The following SNX1 variants were observed in gnomAD, a reference collection of about 807,000 sequenced individuals.
The protein encoded by SNX1 is sorting nexin-1.
SNX1 carries 36 observed loss-of-function variants against 71.8 expected under a neutral mutation model. The observed-to-expected ratio is 0.50, with a 90% CI of 0.38 to 0.66. The LOEUF (loss-of-function observed/expected upper bound fraction) is 0.66. SNX1 is among the 30% of genes least tolerant of loss of function. SNX1 has a pLI of 0.00. For synonymous variants in SNX1, 254 were observed against 240.7 expected (o/e 1.06, Z -0.51); for missense variants, 612 against 646.7 (o/e 0.95, Z 0.58).
intron 1 of SNX1, 108 bp downstream of exon 1, chr15:64,096,280 C>T: frequency 1.5e-6 from 2 of 1,345,614 alleles, no homozygotes; most frequent in Non-Finnish European, 2.0e-6. Context: ...GAGACCTTGC[C>T]TCGGTGTCAG....
rs1477521315 is a variant in SNX1 at position 64,096,038 on chromosome 15, A to G, written c.25A>G (p.Ser9Gly). Residue 9 changes from serine (S) to glycine (G), a missense_variant, in exon 1 of 15, where the codon AGC (serine) becomes GGC (glycine). Physicochemically the swap from Ser to Gly is moderately conservative, Grantham distance 56 (BLOSUM62 0). Transcript: ENST00000559844. Reference sequence around the variant, plus strand: ...GATGGCGTCGGGTGGTGGTGGCTGTAGCGCTTCGGAGAGACTGCCTCCGCC... The same window carrying G: ...GATGGCGTCGGGTGGTGGTGGCTGTGGCGCTTCGGAGAGACTGCCTCCGCC... MASGGGGC[S>G]ASERLPPPFP... The G allele has an allele frequency of 3.1e-6, 5 of 1,594,150 alleles. No homozygotes were observed. In the South Asian group the frequency reaches 5.6e-5, roughly 18 times the overall value.
intron 1 of SNX1, among the ~76,000 whole-genome samples, chr15:64,096,657 CTTT>C (rs981098406): frequency 4.6e-5 from 7 of 152,318 alleles, no homozygotes; most frequent in African/African-American, 1.7e-4. Context: ...ACCAAAGGCC[CTTT>C]CTGGATCTTA....
Position 64,136,887 on chromosome 15 carries a change from C to T in SNX1, c.1473C>T (p.Asn491=). 6.2e-7 allele frequency: 1 copy of T among 1,613,962 alleles called. No homozygotes were observed. The highest frequency in any genetic ancestry group is 8.5e-7 in the Non-Finnish European group (1 of 1,179,882). Reference sequence around the variant, plus strand: ...AAGAGAAATCCAAGGACTTCAAGAACCACGTGATCAAGTACCTTGAGACAC... The same window carrying T: ...AAGAGAAATCCAAGGACTTCAAGAATCACGTGATCAAGTACCTTGAGACAC... ...FEKEKSKDFK[N]HVIKYLETLL... The change falls in exon 14 of 15, where the codon AAC becomes AAT. Residue 491 remains asparagine (N), a synonymous_variant. Coordinates refer to ENST00000559844, the MANE Select transcript of SNX1 (RefSeq NM_003099.5).
chr15:64,117,161 A>C (rs962771810), intron 2 of SNX1, among the ~76,000 whole-genome samples: 1 of 152,122 alleles, frequency 6.6e-6, no homozygotes, highest in African/African-American at 2.4e-5. Flanking sequence ...AGCTTTCCTG[A>C]CACTTGCTTT....
chr15:64,116,384 G>A (rs181158639), intron 2 of SNX1, among the ~76,000 whole-genome samples: 13 of 152,252 alleles, frequency 8.5e-5, no homozygotes, highest in Admixed American at 1.3e-4. Context: ...TTGTTCAAGG[G>A]TCAACTGTAC....
At chr15:64,116,488 C>G (rs1394271186) in intron 2 of SNX1, among the ~76,000 whole-genome samples, 4 of 152,218 alleles carry the variant, frequency 2.6e-5, no homozygotes, top group African/African-American at 9.6e-5. Flanking sequence ...TCATTTCTAA[C>G]AGTGTGGCAC....
chr15:64,104,206 A>G, intron 1 of SNX1, among the ~76,000 whole-genome samples: 1 of 151,650 alleles, frequency 6.6e-6, no homozygotes, highest in East Asian at 1.9e-4. Context: ...CAATTAACTT[A>G]GCTTTCAGAA....
intron 1 of SNX1, among the ~76,000 whole-genome samples, chr15:64,109,094 G>A (rs997891655): frequency 1.3e-5 from 2 of 152,070 alleles, no homozygotes; most frequent in Non-Finnish European, 2.9e-5. Context: ...ACCTAGGGTA[G>A]GCGCAGTGGC....
In SNX1 at chr15:64,138,443, A is replaced by G. The variant is rs1596012388; in HGVS notation, c.*825A>G. The stretch of plus-strand genomic sequence containing the variant: ...CTTGCCCTCTGATGGCAAGTCTTAT[A>G]TATAACTAAACCTATTTTTGTCACC... On this transcript the variant is annotated 3_prime_UTR_variant, in exon 15 of 15. Coordinates refer to ENST00000559844, the MANE Select transcript of SNX1 (RefSeq NM_003099.5). The G allele has an allele frequency of 4.6e-6, 2 of 435,522 alleles. No homozygotes were observed. The highest frequency in any genetic ancestry group is 4.1e-5 in the Admixed American group (1 of 24,632). The allele number at this position is 435,522 out of a possible 1,614,324, so 27.0% of individuals were successfully genotyped here. A position where few individuals can be genotyped will look rare whatever the true frequency, so the allele number is the denominator to read the frequency against.
At chr15:64,131,561 T>A in intron 10 of SNX1, 126 bp from the exon 11 acceptor site, 2 of 795,470 alleles carry the variant, frequency 2.5e-6, no homozygotes, top group Non-Finnish European at 4.0e-6. Context: ...GTGACTGGGT[T>A]GCAGAGCCCT....
chr15:64,137,663 A>G lies in SNX1; in HGVS notation c.*45A>G, dbSNP rs1303888191. The stretch of plus-strand genomic sequence containing the variant: ...CCCACCTGTGTGACGCTGCCTTTTT[A>G]TACACTGTCCTCCTCCACCTTGATG... On this transcript the variant is annotated 3_prime_UTR_variant, in exon 15 of 15. Transcript: ENST00000559844. 1 of 1,613,482 alleles carries G rather than the reference A, an allele frequency of 6.2e-7. No homozygotes were observed.
In SNX1 at chr15:64,126,229, G is replaced by T. The variant is rs1488570126; in HGVS notation, c.652+9G>T. ...GGAGAAGAGCCTCATAGGTAAGCCT[G>T]TGGTCTTTCATTCCACTTGGATTGT... On this transcript the variant is annotated intron_variant, in intron 6 of 14. Coordinates refer to ENST00000559844, the MANE Select transcript of SNX1 (RefSeq NM_003099.5). 3 of 1,609,924 alleles carry T rather than the reference G, an allele frequency of 1.9e-6. No homozygotes were observed. Among genetic ancestry groups the T allele is most frequent in the Non-Finnish European group, 2.5e-6 (3 of 1,178,914 alleles).
rs754862661 is a variant in SNX1 at position 64,130,046 on chromosome 15, C to A, written c.921+17C>A. 16 of 1,578,644 alleles carry A rather than the reference C, an allele frequency of 1.0e-5. No homozygotes were observed. In the Admixed American group the frequency reaches 1.8e-4, roughly 18 times the overall value. On this transcript the variant is annotated intron_variant, in intron 9 of 14. Coordinates refer to ENST00000559844, the MANE Select transcript of SNX1 (RefSeq NM_003099.5). ...TCAGACATTGTGAGTAGCCCTGTGC[C>A]TCTTACCTCCACCTACACCTCAGGC...
At position 64,134,624 on chromosome 15, in the gene SNX1, G is replaced by A. The variant is rs1456469172; in HGVS notation, c.1222-40G>A. The A allele has an allele frequency of 1.9e-6, 3 of 1,584,144 alleles. No individual in the cohort carries two copies. The highest frequency in any genetic ancestry group is 1.7e-5 in the Admixed American group (1 of 58,444). The stretch of plus-strand genomic sequence containing the variant: ...TCGAGGCAGAGCCAGCAGAGCTCTT[G>A]AAGAGCTGGTTGTGCTCCTCCTCAA... On this transcript the variant is annotated intron_variant, in intron 11 of 14. Transcript: ENST00000559844. This position sits in a 1 kb window ranked among gnomAD's most constrained non-coding sequence, Gnocchi z 4.1.
Position 64,137,579 on chromosome 15 carries a change from C to G in SNX1, c.1530C>G (p.Tyr510Ter). The stretch of plus-strand genomic sequence containing the variant: ...CCACTTCTTTGCAGCTGGCAAAGTA[C>G]TGGGAAGCCTTCCTTCCTGAGGCAA... Reference protein sequence around the residue: ...LLYSQQQLAKYWEAFLPEAKA... With the variant: ...LLYSQQQLAK Residue 510 changes from tyrosine to a stop codon, truncating the protein, a stop_gained, in exon 15 of 15, where the codon TAC (tyrosine) becomes TAG (stop). Coordinates refer to ENST00000559844, the MANE Select transcript of SNX1 (RefSeq NM_003099.5). LOFTEE classifies it high-confidence loss of function. The G allele has an allele frequency of 6.2e-7, 1 of 1,614,174 alleles. No individual in the cohort carries two copies. The highest frequency in any genetic ancestry group is 8.5e-7 in the Non-Finnish European group (1 of 1,180,010).
chr15:64,102,761 CTTTTTTT>C (rs60616312), intron 1 of SNX1, among the ~76,000 whole-genome samples: 13 of 76,412 alleles, frequency 1.7e-4, no homozygotes, highest in Admixed American at 6.0e-4. Flanking sequence ...ACCACGCCTT[CTTTTTTT>C]TTTTTTTTTT....
At position 64,138,411 on chromosome 15, in the gene SNX1, T is replaced by C; in HGVS notation, c.*793T>C. 2.0e-6 allele frequency: 1 copy of C among 501,396 alleles called. No homozygotes were observed. Among genetic ancestry groups the C allele is most frequent in the Non-Finnish European group, 3.5e-6 (1 of 289,822 alleles). The allele number at this position is 501,396 out of a possible 1,614,324, so 31.1% of individuals were successfully genotyped here. ...TGCTTCCCTAAGCTGCTCAGGGTTC[T>C]CTGAGTCTTGCCCTCTGATGGCAAG... On this transcript the variant is annotated 3_prime_UTR_variant, in exon 15 of 15. Coordinates refer to ENST00000559844, the MANE Select transcript of SNX1 (RefSeq NM_003099.5).
chr15:64,114,102 A>T (rs1173852315), intron 2 of SNX1, among the ~76,000 whole-genome samples: 1 of 152,232 alleles, frequency 6.6e-6, no homozygotes, highest in African/African-American at 2.4e-5. Context: ...ATTAAAAGCC[A>T]TTGGCAGCTT....
In SNX1 at chr15:64,137,945, G is replaced by C; in HGVS notation, c.*327G>C. On this transcript the variant is annotated 3_prime_UTR_variant, in exon 15 of 15. Transcript: ENST00000559844. ...ATGTGGTTTAGGAACTGGGAATAACGTTTTCTGTTACTCCTGATGGTGCCA... is the reference window on the plus strand; with the variant it reads ...ATGTGGTTTAGGAACTGGGAATAACCTTTTCTGTTACTCCTGATGGTGCCA... The C allele has an allele frequency of 7.0e-7, 1 of 1,419,272 alleles. No individual in the cohort carries two copies. The highest frequency in any genetic ancestry group is 1.6e-5 in the South Asian group (1 of 61,844). The allele number at this position is 1,419,272 out of a possible 1,614,324, so 87.9% of individuals were successfully genotyped here. A position where few individuals can be genotyped will look rare whatever the true frequency, so the allele number is the denominator to read the frequency against.
Sources: allele counts gnomAD v4.1 joint callset (sites outside exome capture counted in the v4.1 genomes callset), GRCh38; gene constraint gnomAD v4.1.1; non-coding constraint Gnocchi (gnomAD v3.1); transcripts MANE v1.5; gene names NCBI Gene and HGNC (gene_info 2026-07-23, HGNC 2026-07-21).